Variants in ADAMTSL1 observed in about 807,000 individuals in gnomAD.
ADAMTSL1 encodes ADAMTS-like protein 1.
A neutral mutation model predicts 201.8 loss-of-function variants in ADAMTSL1; 126 were observed. The observed-to-expected ratio is 0.62, with a 90% confidence interval of 0.54 to 0.72. The LOEUF (loss-of-function observed/expected upper bound fraction) is 0.72. Ranked by LOEUF, ADAMTSL1 falls within the 30% of genes least tolerant of loss-of-function variation. The pLI, the probability that ADAMTSL1 is intolerant of heterozygous loss-of-function variation, is 0.00. For missense variants in ADAMTSL1, 2,679 were observed against 2,277.8 expected (o/e 1.18, Z -3.59); for synonymous variants, 1,121 against 903.4 (o/e 1.24, Z -4.32).
chr9:18,284,351 G>A (rs1832916273), intron 2 of ADAMTSL1, among the ~76,000 whole-genome samples: 1 of 151,942 alleles, frequency 6.6e-6, no homozygotes, highest in Non-Finnish European at 1.5e-5. Flanking sequence ...ATATGCTTAT[G>A]TACCAATTTT....
At chr9:17,935,854 G>A (rs138249569) in intron 1 of ADAMTSL1, among the ~76,000 whole-genome samples, 1 of 152,158 alleles carries the variant, frequency 6.6e-6, no homozygotes, top group African/African-American at 2.4e-5. Flanking sequence ...GCATGCAGGT[G>A]ATCCTATTAA....
In ADAMTSL1 at chr9:18,829,930, C is replaced by T. The variant is rs894204576; in HGVS notation, c.4202C>T (p.Pro1401Leu). The T allele has an allele frequency of 4.3e-6, 7 of 1,613,718 alleles. No homozygotes were observed. The highest frequency in any genetic ancestry group is 1.3e-5 in the African/African-American group (1 of 74,912). ...AACCTTCCTTCAGTGCTGACGTCTC[C>T]TCTGGGAACACAGCTGGTCCTGGAT... ...GPNLPSVLTS[P>L]LGTQLVLDPG... The change falls in exon 23 of 29, where the codon CCT becomes CTT. Residue 1401 changes from proline (P) to leucine (L), a missense_variant. Physicochemically the swap from Pro to Leu is moderately conservative, Grantham distance 98. Coordinates refer to ENST00000380548, the MANE Select transcript of ADAMTSL1 (RefSeq NM_001040272.6).
chr9:18,263,439 T>C (rs1182116831), intron 2 of ADAMTSL1, among the ~76,000 whole-genome samples: 1 of 152,212 alleles, frequency 6.6e-6, no homozygotes, highest in African/African-American at 2.4e-5. Context: ...CTCTTCAATG[T>C]TGGCGTCACC....
chr9:18,777,113 G>A lies in ADAMTSL1; in HGVS notation c.2884G>A (p.Gly962Arg). Residue 962 changes from glycine to arginine, a missense_variant, in exon 19 of 29, where the codon GGA (glycine) becomes AGA (arginine). Gly to Arg is a moderately radical substitution (Grantham distance 125). Transcript: ENST00000380548. ...GGAGCACTTTGTGATTAAGCTCATC[G>A]GAGGCAACCGCAAGCTCGTGGCCCG... ...AREHFVIKLI[G>R]GNRKLVARPL... 3.7e-6 allele frequency: 6 copies of A among 1,613,090 alleles called. No individual in the cohort carries two copies. The highest frequency in any genetic ancestry group is 4.2e-6 in the Non-Finnish European group (5 of 1,179,822).
intron 5 of ADAMTSL1, among the ~76,000 whole-genome samples, chr9:18,629,650 G>A (rs982477581): frequency 2.0e-5 from 3 of 152,068 alleles, no homozygotes; most frequent in African/African-American, 7.2e-5. Context: ...GCAGTATTTT[G>A]TTGAGGCTTT....
intron 1 of ADAMTSL1, among the ~76,000 whole-genome samples, chr9:18,080,833 A>G (rs558759483): frequency 6.6e-6 from 1 of 152,192 alleles, no homozygotes; most frequent in African/African-American, 2.4e-5. Flanking sequence ...CATTCTAGAC[A>G]CAGAAGTGCC....
chr9:18,504,705 T>G, intron 1 of ADAMTSL1, 124 bp from the exon 2 acceptor site: 4 of 1,288,760 alleles, frequency 3.1e-6, no homozygotes, highest in Non-Finnish European at 4.5e-6. Context: ...GAGAATCTGA[T>G]TGCGCGTTTT....
intron 4 of ADAMTSL1, among the ~76,000 whole-genome samples, chr9:18,588,171 C>T (rs149153665): frequency 5.3e-5 from 8 of 152,058 alleles, no homozygotes; most frequent in East Asian, 1.9e-4. Flanking sequence ...CACTCTGAGG[C>T]GAAATGATAC....
chr9:18,595,570 C>G (rs1248147779), intron 4 of ADAMTSL1, among the ~76,000 whole-genome samples: 1 of 152,170 alleles, frequency 6.6e-6, no homozygotes, highest in African/African-American at 2.4e-5. Context: ...AGTAGATGAG[C>G]CTGTCAGGGA....
chr9:18,533,168 G>T, intron 2 of ADAMTSL1, 79 bp from the exon 3 acceptor site: 6 of 1,302,224 alleles, frequency 4.6e-6, no homozygotes, highest in Non-Finnish European at 5.4e-6. Flanking sequence ...AGTATTTAGA[G>T]CAAATTTTTA....
intron 1 of ADAMTSL1, among the ~76,000 whole-genome samples, chr9:18,120,005 C>T (rs1475977376): frequency 6.6e-6 from 1 of 152,042 alleles, no homozygotes; most frequent in Non-Finnish European, 1.5e-5. Flanking sequence ...ACAAACTTAC[C>T]CCAAATTTGC....
chr9:18,699,321 T>C (rs1831779873), intron 13 of ADAMTSL1, among the ~76,000 whole-genome samples: 1 of 94,066 alleles, frequency 1.1e-5, no homozygotes, highest in African/African-American at 4.5e-5. Context: ...GGTTTTTTAC[T>C]TTTTTTTTTT....
At chr9:18,275,574 C>G (rs750020347) in intron 2 of ADAMTSL1, among the ~76,000 whole-genome samples, 1 of 152,116 alleles carries the variant, frequency 6.6e-6, no homozygotes, top group Non-Finnish European at 1.5e-5. Context: ...CACTACAGAT[C>G]TGCCTTTTCT....
At chr9:18,253,455 A>G (rs559719921) in intron 2 of ADAMTSL1, among the ~76,000 whole-genome samples, 1 of 152,362 alleles carries the variant, frequency 6.6e-6, no homozygotes, top group South Asian at 2.1e-4. Context: ...GATAGTGTAA[A>G]AAACTAGGCC....
chr9:18,064,398 C>A (rs972270290), intron 1 of ADAMTSL1, among the ~76,000 whole-genome samples: 1 of 152,136 alleles, frequency 6.6e-6, no homozygotes, highest in Non-Finnish European at 1.5e-5. Context: ...TTTTGATGAA[C>A]TTTCTGGCTG....
chr9:18,153,914 G>A (rs540347127), intron 1 of ADAMTSL1, among the ~76,000 whole-genome samples: 1 of 152,084 alleles, frequency 6.6e-6, no homozygotes, highest in South Asian at 2.1e-4. Flanking sequence ...ATCATTACAC[G>A]GCTTTAATGT....
chr9:18,499,513 C>T (rs1822718113), intron 1 of ADAMTSL1, among the ~76,000 whole-genome samples: 1 of 152,132 alleles, frequency 6.6e-6, no homozygotes, highest in African/African-American at 2.4e-5. Flanking sequence ...CAGACATGGC[C>T]AGGATGTTTC....
chr9:18,465,004 T>C (rs10511656), intron 2 of ADAMTSL1, among the ~76,000 whole-genome samples: 4,577 of 152,308 alleles, frequency 0.03, 119 homozygotes, highest in Admixed American at 0.077. Flanking sequence ...AACATATTTC[T>C]TGTATTTGAT....
At chr9:18,740,373 A>G (rs909320516) in intron 15 of ADAMTSL1, among the ~76,000 whole-genome samples, 1 of 139,746 alleles carries the variant, frequency 7.2e-6, no homozygotes, top group African/African-American at 2.6e-5. Flanking sequence ...ACCCACCCCT[A>G]CATAATTATA....
Sources: allele counts gnomAD v4.1 joint callset (sites outside exome capture counted in the v4.1 genomes callset), GRCh38; gene constraint gnomAD v4.1.1; transcripts MANE v1.5; gene names NCBI Gene and HGNC (gene_info 2026-07-23, HGNC 2026-07-21).